LAIR1: variants seen among roughly 807,000 people sequenced by gnomAD.
The protein encoded by LAIR1 is leukocyte-associated immunoglobulin-like receptor 1.
A neutral mutation model predicts 32.8 loss-of-function variants in LAIR1; 24 were observed. That is an observed-to-expected ratio of 0.73 (90% CI 0.53 to 1.03). The LOEUF (loss-of-function observed/expected upper bound fraction) is 1.03. Ranked by LOEUF, LAIR1 falls within the 50% of genes least tolerant of loss-of-function variation. LAIR1 has a pLI of 0.00. For synonymous variants in LAIR1, 150 were observed against 140.5 expected (o/e 1.07, Z -0.48); for missense variants, 355 against 347.5 (o/e 1.02, Z -0.17).
chr19:54,358,515 T>C, intron 4 of LAIR1: 2 of 1,602,278 alleles, frequency 1.2e-6, no homozygotes, highest in Non-Finnish European at 1.7e-6. Flanking sequence ...ATCAGTGCAT[T>C]TCTATTGCTC....
At chr19:54,371,810 C>T (rs1400670070), upstream of LAIR1, among the ~76,000 whole-genome samples, 1 of 151,380 alleles carries the variant, frequency 6.6e-6, no homozygotes, top group Non-Finnish European at 1.5e-5. Context: ...TCCTCTTGTC[C>T]AAGCCTTTTA....
chr19:54,372,333 T>C (rs2082425633), upstream of LAIR1, among the ~76,000 whole-genome samples: 1 of 151,328 alleles, frequency 6.6e-6, no homozygotes, highest in African/African-American at 2.5e-5. Flanking sequence ...GCCACTCTAA[T>C]AGGTGTGTCG....
chr19:54,356,781 C>T, intron 5 of LAIR1, 147 bp downstream of exon 5: 1 of 1,193,870 alleles, frequency 8.4e-7, no homozygotes, highest in Non-Finnish European at 1.2e-6. Context: ...TCTTCCACCA[C>T]CGGGGTCCTG....
At chr19:54,357,660 C>G (rs1474073789) in intron 4 of LAIR1, 5 of 152,362 alleles carry the variant, frequency 3.3e-5, no homozygotes, top group African/African-American at 1.2e-4. Context: ...ACGCCACTAC[C>G]CAATTCCCAG....
chr19:54,356,262 T>C lies in LAIR1; in HGVS notation c.632A>G (p.Asp211Gly). 6.2e-7 allele frequency: 1 copy of C among 1,613,052 alleles called. No homozygotes were observed. The highest frequency in any genetic ancestry group is 8.5e-7 in the Non-Finnish European group (1 of 1,179,774). ...DEEQKPQQRP[D>G]LAVDVLERTA... Reference sequence around the variant, plus strand: ...CCTCTCTAGAACATCAACAGCCAGGTCAGGCCTAAGAGGAAAAATAAAAGT... The same window carrying C: ...CCTCTCTAGAACATCAACAGCCAGGCCAGGCCTAAGAGGAAAAATAAAAGT... Residue 211 changes from aspartate (D) to glycine (G), a missense_variant, in exon 8 of 10, where the codon GAC (aspartate) becomes GGC (glycine). Coordinates refer to ENST00000391742, the MANE Select transcript of LAIR1 (RefSeq NM_002287.6).
intron 2 of LAIR1, among the ~76,000 whole-genome samples, chr19:54,363,187 G>A (rs2082106275): frequency 6.6e-6 from 1 of 152,062 alleles, no homozygotes; most frequent in Non-Finnish European, 1.5e-5. Flanking sequence ...GCTGAGGCCG[G>A]CCTCGGGGAG....
At chr19:54,374,476 C>T (rs1407915926), upstream of LAIR1, among the ~76,000 whole-genome samples, 1 of 152,072 alleles carries the variant, frequency 6.6e-6, no homozygotes, top group Non-Finnish European at 1.5e-5. Context: ...TTCTCTGAAC[C>T]GGGGGTGCAG....
At chr19:54,358,392 T>C (rs1355804381) in intron 4 of LAIR1, 3 of 112,668 alleles carry the variant, frequency 2.7e-5, no homozygotes, top group African/African-American at 8.8e-5. Flanking sequence ...ATATAATATA[T>C]ATATAATATA....
intron 4 of LAIR1, among the ~76,000 whole-genome samples, chr19:54,359,366 A>AG (rs1273392335): frequency 4.0e-5 from 6 of 151,562 alleles, no homozygotes; most frequent in Admixed American, 6.5e-5. Context: ...CACAGAGTCC[A>AG]GGGCAGAGCC....
chr19:54,362,526 C>A (rs1430953957), intron 2 of LAIR1, among the ~76,000 whole-genome samples: 1 of 152,186 alleles, frequency 6.6e-6, no homozygotes, highest in Non-Finnish European at 1.5e-5. Context: ...GCTCTGTCAC[C>A]CAGGATGGAG....
At chr19:54,374,064 T>C (rs2082463130), upstream of LAIR1, among the ~76,000 whole-genome samples, 1 of 151,958 alleles carries the variant, frequency 6.6e-6, no homozygotes, top group Admixed American at 6.5e-5. Flanking sequence ...GAGGTTCCAA[T>C]GCTTGCACTG....
intron 2 of LAIR1, among the ~76,000 whole-genome samples, chr19:54,363,720 C>T (rs1193340459): frequency 6.6e-6 from 1 of 152,182 alleles, no homozygotes; most frequent in African/African-American, 2.4e-5. Flanking sequence ...ACTGCGCGTT[C>T]TCACTTATCT....
upstream of LAIR1, among the ~76,000 whole-genome samples, chr19:54,372,374 G>T (rs919517948): frequency 6.6e-6 from 1 of 151,308 alleles, no homozygotes; most frequent in African/African-American, 2.5e-5. Context: ...TACTGATAGA[G>T]GTGCAGAACA....
upstream of LAIR1, among the ~76,000 whole-genome samples, chr19:54,375,266 A>T (rs1174751852): frequency 6.6e-6 from 1 of 151,972 alleles, no homozygotes; most frequent in African/African-American, 2.4e-5. Context: ...CAATCCCTCA[A>T]TCCCTCGCCT....
chr19:54,359,372 G>A (rs1286242371), intron 4 of LAIR1, among the ~76,000 whole-genome samples: 1 of 151,736 alleles, frequency 6.6e-6, no homozygotes, highest in Non-Finnish European at 1.5e-5. Context: ...GTCCAGGGCA[G>A]AGCCAGATGG....
Position 54,364,349 on chromosome 19 carries a change from T to C in LAIR1, c.35-19A>G. ...CAGAGCACTGGAAGAGAAGCCCCAG[T>C]GAGAAAAATGCCCAGTGCCCAGTCT... is the stretch of plus-strand genomic sequence containing the variant. On this transcript the variant is annotated intron_variant, in intron 1 of 9. Transcript: ENST00000391742. This position sits in a 1 kb window ranked among gnomAD's most constrained non-coding sequence, Gnocchi z 4.8. 6.2e-7 allele frequency: 1 copy of C among 1,613,688 alleles called. No homozygotes were observed. The highest frequency in any genetic ancestry group is 1.3e-5 in the African/African-American group (1 of 74,928).
Position 54,364,851 on chromosome 19 carries a change from A to G in LAIR1, c.-47T>C. The G allele has an allele frequency of 3.1e-6, 5 of 1,614,008 alleles. No individual in the cohort carries two copies. The highest frequency in any genetic ancestry group is 4.2e-6 in the Non-Finnish European group (5 of 1,179,922). ...GCCTGGCCTGAGGCGCACCAATGCA[A>G]GGACAGAACTCTGCAGCAGACACAA... is the stretch of plus-strand genomic sequence containing the variant. On this transcript the variant is annotated 5_prime_UTR_variant, in exon 1 of 10. Transcript: ENST00000391742. This position sits in a 1 kb window ranked among gnomAD's most constrained non-coding sequence, Gnocchi z 4.8.
chr19:54,366,749 A>G (rs1445486770), upstream of LAIR1, among the ~76,000 whole-genome samples: 1 of 152,106 alleles, frequency 6.6e-6, no homozygotes, highest in Non-Finnish European at 1.5e-5. Flanking sequence ...CGGCCTCCCA[A>G]AGTGCTGGGA....
At chr19:54,366,417 G>A (rs1220562260), upstream of LAIR1, among the ~76,000 whole-genome samples, 14 of 152,184 alleles carry the variant, frequency 9.2e-5, no homozygotes, top group Non-Finnish European at 2.1e-4. Flanking sequence ...CCTTTGTTAC[G>A]CCTTAGCAAA....
Sources: allele counts gnomAD v4.1 joint callset (sites outside exome capture counted in the v4.1 genomes callset), GRCh38; gene constraint gnomAD v4.1.1; non-coding constraint Gnocchi (gnomAD v3.1); transcripts MANE v1.5; gene names NCBI Gene and HGNC (gene_info 2026-07-23, HGNC 2026-07-21).